Variants in COL4A2 observed in about 807,000 individuals in gnomAD.
COL4A2 encodes collagen type IV alpha 2 chain.
Under a neutral mutation model 200.2 loss-of-function variants are expected in COL4A2, and 99 were observed. The ratio of observed to expected loss-of-function variants is 0.49; its 90% CI spans 0.42 to 0.58. The LOEUF (loss-of-function observed/expected upper bound fraction) is 0.58. Among genes scored for constraint, COL4A2 ranks in the 20% least tolerant of loss-of-function variants. The probability of loss-of-function intolerance (pLI) is 0.00; values close to 1 mark genes in which losing one functional copy is unlikely to be tolerated. For missense variants in COL4A2, 1,950 were observed against 2,314.1 expected (o/e 0.84, Z 3.23); for synonymous variants, 897 against 900.6 (o/e 1.00, Z 0.07).
At chr13:110,365,887 C>T (rs2139396785) in intron 4 of COL4A2, among the ~76,000 whole-genome samples, 1 of 152,306 alleles carries the variant, frequency 6.6e-6, no homozygotes, top group South Asian at 2.1e-4. Context: ...TTCCAAAGCT[C>T]CACACTCCAT....
At chr13:110,427,112 A>C (rs369324324) in intron 6 of COL4A2, among the ~76,000 whole-genome samples, 1 of 152,178 alleles carries the variant, frequency 6.6e-6, no homozygotes, top group Non-Finnish European at 1.5e-5. Context: ...ACGGAGAACT[A>C]TATGTAGGAT....
chr13:110,373,513 A>G (rs1878105763), intron 4 of COL4A2, among the ~76,000 whole-genome samples: 1 of 152,248 alleles, frequency 6.6e-6, no homozygotes, highest in African/African-American at 2.4e-5. Context: ...TGAAGCAGCC[A>G]TTAGACTTAG....
chr13:110,366,539 AT>A (rs1877759665), intron 4 of COL4A2, among the ~76,000 whole-genome samples: 1 of 152,248 alleles, frequency 6.6e-6, no homozygotes, highest in South Asian at 2.1e-4. Context: ...CAGTAAAATA[AT>A]AGCCAAGGGG....
chr13:110,400,651 G>A (rs2139430432), intron 4 of COL4A2, among the ~76,000 whole-genome samples: 1 of 152,250 alleles, frequency 6.6e-6, no homozygotes, highest in East Asian at 1.9e-4. Flanking sequence ...TGTAATCAAT[G>A]AAACCTGAAT....
chr13:110,357,635 C>T (rs1877338233), intron 4 of COL4A2, 83 bp downstream of exon 4: 4 of 1,530,930 alleles, frequency 2.6e-6, no homozygotes, highest in Non-Finnish European at 3.5e-6. Flanking sequence ...TTCTGGGACA[C>T]GTGTGGCTGG....
chr13:110,352,668 G>C (rs1355780445), intron 3 of COL4A2, among the ~76,000 whole-genome samples: 1 of 152,220 alleles, frequency 6.6e-6, no homozygotes, highest in African/African-American at 2.4e-5. Flanking sequence ...GTTGAAGGAA[G>C]GTGCCGGATA....
At chr13:110,383,007 T>C (rs575023218) in intron 4 of COL4A2, among the ~76,000 whole-genome samples, 1 of 152,372 alleles carries the variant, frequency 6.6e-6, no homozygotes, top group Non-Finnish European at 1.5e-5. Context: ...GTACACAAAA[T>C]TCCACTGATG....
At chr13:110,438,093 C>G in intron 14 of COL4A2, 56 bp downstream of exon 14, 1 of 1,490,672 alleles carries the variant, frequency 6.7e-7, no homozygotes, top group South Asian at 1.1e-5. Context: ...TGTCGGCGCT[C>G]TGCCAGGCAT....
chr13:110,371,161 GGGTT>G (rs1594175129), intron 4 of COL4A2, among the ~76,000 whole-genome samples: 3 of 152,318 alleles, frequency 2.0e-5, no homozygotes, highest in East Asian at 3.9e-4. Context: ...TGGAGGACAA[GGGTT>G]CTTCACCAGC....
chr13:110,484,787 AAGGCTTC>A, intron 32 of COL4A2, 111 bp from the exon 33 acceptor site: 2 of 1,405,684 alleles, frequency 1.4e-6, no homozygotes, highest in East Asian at 4.7e-5. Context: ...GTCTCTCTCC[AAGGCTTC>A]CCTGCTTGGG....
At chr13:110,493,601 C>T (rs1339005584) in intron 39 of COL4A2, among the ~76,000 whole-genome samples, 1 of 152,176 alleles carries the variant, frequency 6.6e-6, no homozygotes, top group African/African-American at 2.4e-5. Flanking sequence ...ACCTGCGCCC[C>T]TCAGGTGTCT....
At chr13:110,493,485 G>A (rs998870117) in intron 39 of COL4A2, among the ~76,000 whole-genome samples, 3 of 152,164 alleles carry the variant, frequency 2.0e-5, no homozygotes, top group East Asian at 1.9e-4. Context: ...CCTAAGAATC[G>A]GTTTCTCAAG....
In COL4A2 at chr13:110,498,356, G is replaced by T. The variant is rs150838956; in HGVS notation, c.3760+2889G>T. ...AGTTTACCAGTCTGTCACCTGAAAGGCATCTGGGAATGCAGCAACGGGGAA... is the reference window on the plus strand; with the variant it reads ...AGTTTACCAGTCTGTCACCTGAAAGTCATCTGGGAATGCAGCAACGGGGAA... On this transcript the variant is annotated intron_variant, in intron 40 of 47. Coordinates refer to ENST00000360467, the MANE Select transcript of COL4A2 (RefSeq NM_001846.4). 4.6e-5 allele frequency among the ~76,000 whole-genome samples: 7 copies of T among 152,304 alleles called. 1 individual carries two copies. Among genetic ancestry groups the T allele is most frequent in the African/African-American group, 1.2e-4 (5 of 41,556 alleles).
chr13:110,307,798 G>A lies in COL4A2; in HGVS notation c.-44-62G>A. ...TCCCCGCGTCTCGCGGACCGAGACC[G>A]GCGGTGAGGATGGGCTGCCTCCCTC... On this transcript the variant is annotated intron_variant, in intron 1 of 47. Coordinates refer to ENST00000360467, the MANE Select transcript of COL4A2 (RefSeq NM_001846.4). The surrounding 1 kb of genome is among the most constrained non-coding windows in gnomAD (Gnocchi z 5.0). 1.4e-6 allele frequency: 2 copies of A among 1,426,142 alleles called. No homozygotes were observed. Among genetic ancestry groups the A allele is most frequent in the East Asian group, 2.4e-5 (1 of 40,910 alleles). 88.3% of individuals were successfully genotyped at this position (1,426,142 alleles called of 1,614,324 possible). A position where few individuals can be genotyped will look rare whatever the true frequency, so the allele number is the denominator to read the frequency against.
intron 4 of COL4A2, among the ~76,000 whole-genome samples, chr13:110,360,449 T>C (rs1239790636): frequency 1.3e-5 from 2 of 152,254 alleles, no homozygotes; most frequent in African/African-American, 4.8e-5. Flanking sequence ...CAGTGTACTG[T>C]TACACGATGC....
chr13:110,439,863 T>C lies in COL4A2; in HGVS notation c.957+30T>C, dbSNP rs1202691926. 2.5e-6 allele frequency: 4 copies of C among 1,611,626 alleles called. No homozygotes were observed. In the African/African-American group the frequency reaches 5.3e-5, roughly 22 times the overall value. The stretch of plus-strand genomic sequence containing the variant: ...GTTGGATGCATGAACTGCAGTCTGC[T>C]CTGGGCCCACGACATCCCACAGAGG... On this transcript the variant is annotated intron_variant, in intron 16 of 47. Transcript: ENST00000360467.
intron 3 of COL4A2, among the ~76,000 whole-genome samples, chr13:110,343,031 A>C (rs527488245): frequency 1.3e-5 from 2 of 152,348 alleles, no homozygotes; most frequent in South Asian, 2.1e-4. Context: ...AAATGTGTGC[A>C]TGCTAATTCC....
intron 37 of COL4A2, 129 bp downstream of exon 37, chr13:110,491,469 A>T: frequency 1.5e-6 from 1 of 687,830 alleles, no homozygotes; most frequent in East Asian, 2.7e-5. Context: ...GCCTGCTGCC[A>T]GCTTAGGAGC....
chr13:110,314,972 G>T (rs1885093522), intron 3 of COL4A2, among the ~76,000 whole-genome samples: 1 of 151,972 alleles, frequency 6.6e-6, no homozygotes, highest in Non-Finnish European at 1.5e-5. Context: ...CTCAGCTTCT[G>T]TGTTAGTTAG....
Sources: allele counts gnomAD v4.1 joint callset (sites outside exome capture counted in the v4.1 genomes callset), GRCh38; gene constraint gnomAD v4.1.1; non-coding constraint Gnocchi (gnomAD v3.1); transcripts MANE v1.5; gene names NCBI Gene and HGNC (gene_info 2026-07-23, HGNC 2026-07-21).